The following DIPK2A variants were observed in gnomAD, a reference collection of about 807,000 sequenced individuals.
DIPK2A encodes Golgi Protein of 49 kDa.
In DIPK2A, 27 loss-of-function variants were observed where a neutral mutation model predicts 39.0. That is an observed-to-expected ratio of 0.69 (90% CI 0.51 to 0.96). DIPK2A has a LOEUF of 0.96. Among genes scored for constraint, DIPK2A ranks in the 40% least tolerant of loss-of-function variants. The pLI is 0.00. For missense variants in DIPK2A, 528 were observed against 571.3 expected, an observed-to-expected ratio of 0.92 and a Z score of 0.77; for synonymous variants, 298 against 240.8, an observed-to-expected ratio of 1.24 and a Z score of -2.20.
chr3:143,983,481 C>T (rs1287726736), intron 1 of DIPK2A, among the ~76,000 whole-genome samples: 2 of 152,118 alleles, frequency 1.3e-5, no homozygotes, highest in African/African-American at 4.8e-5. Flanking sequence ...AAAATTAAGG[C>T]AGAAGTAAAT....
Position 143,972,259 on chromosome 3 carries a change from A to G in DIPK2A, c.-74A>G. ...TCTCTCGCCCGGGGTTCCTGCCGGT[A>G]GCTCTCCGGGTCTTGGCGCGGCGGG... is the stretch of plus-strand genomic sequence containing the variant. On this transcript the variant is annotated 5_prime_UTR_variant, in exon 1 of 3. Transcript: ENST00000315691. 14 of 1,285,704 alleles carry G rather than the reference A, an allele frequency of 1.1e-5. No individual in the cohort carries two copies. The highest frequency in any genetic ancestry group is 1.3e-5 in the Non-Finnish European group (13 of 1,004,240). The allele number at this position is 1,285,704 out of a possible 1,614,324, so 79.6% of individuals were successfully genotyped here.
intron 1 of DIPK2A, among the ~76,000 whole-genome samples, chr3:143,980,719 T>G (rs1337832937): frequency 6.6e-6 from 1 of 152,092 alleles, no homozygotes; most frequent in African/African-American, 2.4e-5. Context: ...TTTTTGAAGT[T>G]AGTTTGTTTA....
intron 1 of DIPK2A, among the ~76,000 whole-genome samples, chr3:143,984,466 C>G (rs752651442): frequency 2.0e-4 from 31 of 151,626 alleles, no homozygotes; most frequent in Non-Finnish European, 4.3e-4. Flanking sequence ...GGCTTAATTT[C>G]AGTATTGTTG....
chr3:143,983,898 G>A (rs750722617), intron 1 of DIPK2A, among the ~76,000 whole-genome samples: 82 of 152,308 alleles, frequency 5.4e-4, no homozygotes, highest in Non-Finnish European at 6.5e-4. Context: ...TGGGAAGGCT[G>A]TTTCATCTAC....
chr3:143,972,702 A>G lies in DIPK2A; in HGVS notation c.370A>G (p.Ser124Gly). 1.2e-6 allele frequency: 2 copies of G among 1,604,276 alleles called. No homozygotes were observed. The highest frequency in any genetic ancestry group is 1.7e-6 in the Non-Finnish European group (2 of 1,176,772). The change falls in exon 1 of 3, where the codon AGC (serine) becomes GGC (glycine). Residue 124 changes from serine (S) to glycine (G), a missense_variant. Ser to Gly is a moderately conservative substitution (Grantham distance 56). This residue lies in a region of DIPK2A where 309 missense variants were observed against 289.8 expected (regional missense o/e 1.07). Coordinates refer to ENST00000315691, the MANE Select transcript of DIPK2A (RefSeq NM_173552.5). ...GCGCGAGCTGGCGCAGCTCGACCAG[A>G]GCATCTGCAAGCGGGCCACCGGCCG... ...SQRELAQLDQ[S>G]ICKRATGRPR...
intron 1 of DIPK2A, among the ~76,000 whole-genome samples, chr3:143,976,379 G>A (rs1026492766): frequency 6.6e-6 from 1 of 151,928 alleles, no homozygotes; most frequent in Non-Finnish European, 1.5e-5. Context: ...AAAAATGGAG[G>A]AGAGGAACTA....
At chr3:143,974,874 G>A (rs187760390) in intron 1 of DIPK2A, among the ~76,000 whole-genome samples, 2 of 152,024 alleles carry the variant, frequency 1.3e-5, no homozygotes, top group Non-Finnish European at 2.9e-5. Flanking sequence ...TGTGCAGGAA[G>A]GTTTTATATT....
At chr3:143,978,694 A>ATATATATCTATATATATATC (rs2087785581) in intron 1 of DIPK2A, among the ~76,000 whole-genome samples, 1 of 136,176 alleles carries the variant, frequency 7.3e-6, no homozygotes, top group Non-Finnish European at 1.6e-5. Context: ...ATATATATAT[A>ATATATATCTATATATATATC]TATATATACT....
In DIPK2A at chr3:143,972,962, C is replaced by T. The variant is rs541847487; in HGVS notation, c.630C>T (p.Ala210=). 2.5e-6 allele frequency: 4 copies of T among 1,588,290 alleles called. No individual in the cohort carries two copies. The highest frequency in any genetic ancestry group is 2.3e-5 in the East Asian group (1 of 43,896). The change falls in exon 1 of 3, where the codon GCC becomes GCT. Residue 210 remains alanine, a synonymous_variant. Coordinates refer to ENST00000315691, the MANE Select transcript of DIPK2A (RefSeq NM_173552.5). ...GCATGCAGCTGCTGCTGACCCTGGC[C>T]TTCAACCCCGAGCCGCTGGTGCTAC... is the stretch of plus-strand genomic sequence containing the variant. ...SERMQLLLTL[A]FNPEPLVLQS...
rs764548618 is a variant in DIPK2A, at chr3:143,972,867, C to A, written c.535C>A (p.Leu179Met). ...CCCCTCGCAGCGCCTTCTCGACCGCCTGGTGCGCCGCTACGCGGAGACCAA... is the reference window on the plus strand; with the variant it reads ...CCCCTCGCAGCGCCTTCTCGACCGCATGGTGCGCCGCTACGCGGAGACCAA... ...HCPSQRLLDR[L>M]VRRYAETKDS... The change falls in exon 1 of 3, where the codon CTG (leucine) becomes ATG (methionine). Residue 179 changes from leucine (L) to methionine (M), a missense_variant. Physicochemically the swap from Leu to Met is conservative, Grantham distance 15. Around this residue, in one of 2 missense-constraint regions of DIPK2A, gnomAD observed 309 missense variants for 289.8 expected, o/e 1.07. Transcript: ENST00000315691. 6.4e-7 allele frequency: 1 copy of A among 1,574,448 alleles called. No individual in the cohort carries two copies. The highest frequency in any genetic ancestry group is 1.2e-5 in the South Asian group (1 of 86,782).
At chr3:143,986,587 G>A (rs1044839171) in intron 2 of DIPK2A, among the ~76,000 whole-genome samples, 4 of 152,018 alleles carry the variant, frequency 2.6e-5, no homozygotes, top group African/African-American at 9.7e-5. Context: ...AGCCGGGCGA[G>A]GTGGCGGGCG....
intron 1 of DIPK2A, 28 bp from the exon 2 acceptor site, chr3:143,985,515 T>C: frequency 6.3e-7 from 1 of 1,581,940 alleles, no homozygotes; most frequent in Non-Finnish European, 8.7e-7. Context: ...TCAGAATCTC[T>C]TGTAATATTA....
chr3:143,983,955 ATCT>A (rs1218537897), intron 1 of DIPK2A, among the ~76,000 whole-genome samples: 2 of 152,190 alleles, frequency 1.3e-5, no homozygotes, highest in Non-Finnish European at 1.5e-5. Context: ...TCTTAGCTAG[ATCT>A]TCTGGATAAT....
intron 2 of DIPK2A, 146 bp downstream of exon 2, chr3:143,985,992 A>AC (rs1418743483): frequency 1.6e-6 from 1 of 624,096 alleles, no homozygotes; most frequent in Non-Finnish European, 2.8e-6. Flanking sequence ...CTGTCAATAA[A>AC]CAAATACAGA....
intron 2 of DIPK2A, among the ~76,000 whole-genome samples, chr3:143,986,900 T>C (rs2087910280): frequency 6.6e-6 from 1 of 152,090 alleles, no homozygotes; most frequent in Non-Finnish European, 1.5e-5. Context: ...AAAAGTAATA[T>C]GAGTATCTTT....
intron 2 of DIPK2A, among the ~76,000 whole-genome samples, chr3:143,988,370 G>T (rs2087935029): frequency 6.6e-6 from 1 of 152,118 alleles, no homozygotes; most frequent in South Asian, 2.1e-4. Context: ...AAAGTGCTGG[G>T]ATTACAGATG....
Position 143,991,499 on chromosome 3 carries a change from C to T in DIPK2A, c.*1658C>T, listed in dbSNP as rs1280265216. ...TCTTGTGATAGAAATTCAACTTGTA[C>T]CATCTAAAACTAGGTTGCTATAAAA... is the stretch of plus-strand genomic sequence containing the variant. On this transcript the variant is annotated 3_prime_UTR_variant, in exon 3 of 3. Coordinates refer to ENST00000315691, the MANE Select transcript of DIPK2A (RefSeq NM_173552.5). 1.3e-5 allele frequency: 2 copies of T among 152,472 alleles called. No individual in the cohort carries two copies. The highest frequency in any genetic ancestry group is 4.8e-5 in the African/African-American group (2 of 41,396). The allele number at this position is 152,472 out of a possible 1,614,324, so 9.4% of individuals were successfully genotyped here.
rs1559851268 is a variant in DIPK2A, at chr3:143,971,992, A to ACGGGCG, written c.-338_-333dup. On this transcript the variant is annotated 5_prime_UTR_variant, in exon 1 of 3. Coordinates refer to ENST00000315691, the MANE Select transcript of DIPK2A (RefSeq NM_173552.5). ...GCCAGCAGTGCGCGTGCGCGCGGGC[A>ACGGGCG]CGGGCGCGCGACCGTCGGGTCCCCG... is the stretch of plus-strand genomic sequence containing the variant. 3.8e-6 allele frequency: 1 copy of ACGGGCG among 263,792 alleles called. No individual in the cohort carries two copies. The highest frequency in any genetic ancestry group is 2.2e-5 in the African/African-American group (1 of 45,282). 16.3% of individuals were successfully genotyped at this position (263,792 alleles called of 1,614,324 possible). A position where few individuals can be genotyped will look rare whatever the true frequency, so the allele number is the denominator to read the frequency against.
In DIPK2A at chr3:143,972,423, C is replaced by T. The variant is rs200656208; in HGVS notation, c.91C>T (p.His31Tyr). The T allele has an allele frequency of 4.5e-6, 7 of 1,560,024 alleles. No homozygotes were observed. The highest frequency in any genetic ancestry group is 1.8e-5 in the Admixed American group (1 of 55,644). ...CAGCCTGTTGGTGCTGATGGTGCTG[C>T]ACTCGCCGTCGCTGCTCGCCTCTTG... The part of the protein sequence containing the change: ...LGSLLVLMVL[H>Y]SPSLLASWQR... Residue 31 changes from histidine (H) to tyrosine (Y), a missense_variant, in exon 1 of 3, where the codon CAC becomes TAC. Transcript: ENST00000315691.
Sources: allele counts gnomAD v4.1 joint callset (sites outside exome capture counted in the v4.1 genomes callset), GRCh38; gene constraint gnomAD v4.1.1; regional missense constraint gnomAD v4.1.1; transcripts MANE v1.5; gene names NCBI Gene and HGNC (gene_info 2026-07-23, HGNC 2026-07-21).